Variants in TNRC6A observed in about 807,000 individuals in gnomAD.
TNRC6A encodes trinucleotide repeat containing adaptor 6A, also known as trinucleotide repeat-containing gene 6A protein.
A neutral mutation model predicts 221.2 loss-of-function variants in TNRC6A; 44 were observed. That is an observed-to-expected ratio of 0.20 (90% CI 0.16 to 0.26). The LOEUF (loss-of-function observed/expected upper bound fraction) is 0.26. Ranked by LOEUF, TNRC6A falls within the 10% of genes least tolerant of loss-of-function variation. The pLI, the probability that TNRC6A is intolerant of heterozygous loss-of-function variation, is 1.00. For missense variants in TNRC6A, 2,199 were observed against 2,404.4 expected (o/e 0.91, Z 1.79); for synonymous variants, 847 against 838.5 (o/e 1.01, Z -0.18).
intron 1 of TNRC6A, among the ~76,000 whole-genome samples, chr16:24,618,328 T>C (rs1900483114): frequency 6.6e-6 from 1 of 152,236 alleles, no homozygotes; most frequent in African/African-American, 2.4e-5. Context: ...GTATTTTACC[T>C]AGTGGTATAT....
rs762928637 is a variant in TNRC6A, at chr16:24,790,458, C to G, written c.1816C>G (p.Gln606Glu). Reference sequence around the variant, plus strand: ...TCGAAGAGGATGGGGAACCCCTGCACAAAACACTGGCACTAATTTACCCAG... The same window carrying G: ...TCGAAGAGGATGGGGAACCCCTGCAGAAAACACTGGCACTAATTTACCCAG... ...GSRRGWGTPA[Q>E]NTGTNLPSVE... is the part of the protein sequence containing the mutation. The change falls in exon 6 of 25, where the codon CAA becomes GAA. Residue 606 changes from glutamine to glutamate, a missense_variant. By Grantham distance (29) the Gln-to-Glu change is conservative. Around this residue, in one of 8 missense-constraint regions of TNRC6A, gnomAD observed 1,405 missense variants for 1,400.2 expected, o/e 1.00. Transcript: ENST00000395799. 4 of 1,614,182 alleles carry G rather than the reference C, an allele frequency of 2.5e-6. No homozygotes were observed. Among genetic ancestry groups the G allele is most frequent in the South Asian group, 1.1e-5 (1 of 91,080 alleles).
rs2152123859 is a variant in TNRC6A, at chr16:24,824,194, T to G, written c.*387T>G. On this transcript the variant is annotated 3_prime_UTR_variant, in exon 25 of 25. Transcript: ENST00000395799. Reference sequence around the variant, plus strand: ...TTTGGGCTGATAACGTATGAGCTTTTCCCTTTGCACTGAATGATGTTCTCT... The same window carrying G: ...TTTGGGCTGATAACGTATGAGCTTTGCCCTTTGCACTGAATGATGTTCTCT... 1 of 146,258 alleles carries G rather than the reference T, an allele frequency of 6.8e-6. No homozygotes were observed. Among genetic ancestry groups the G allele is most frequent in the South Asian group, 2.3e-4 (1 of 4,434 alleles). The allele number at this position is 146,258 out of a possible 1,614,324, so 9.1% of individuals were successfully genotyped here.
chr16:24,663,928 C>A (rs1400442823), intron 2 of TNRC6A: 1 of 456,536 alleles, frequency 2.2e-6, no homozygotes, highest in African/African-American at 2.0e-5. Flanking sequence ...AGCAGTTATC[C>A]TGCAGGAACA....
chr16:24,666,659 A>T, intron 2 of TNRC6A, among the ~76,000 whole-genome samples: 1 of 126,892 alleles, frequency 7.9e-6, no homozygotes, highest in African/African-American at 3.3e-5. Context: ...AAAAAAAAAA[A>T]AAAAAAAAAA....
At chr16:24,644,412 G>C (rs549710760) in intron 2 of TNRC6A, among the ~76,000 whole-genome samples, 2 of 151,636 alleles carry the variant, frequency 1.3e-5, no homozygotes, top group East Asian at 3.9e-4. Context: ...CTCCCGCCCC[G>C]GCCAAGAAGA....
intron 9 of TNRC6A, among the ~76,000 whole-genome samples, chr16:24,797,272 C>A (rs1451300320): frequency 6.6e-6 from 1 of 152,114 alleles, no homozygotes; most frequent in African/African-American, 2.4e-5. Flanking sequence ...AGAGATTTCT[C>A]TGTACATTAC....
rs1271003990 is a variant in TNRC6A, at chr16:24,790,417, C to T, written c.1775C>T (p.Ala592Val). ...QSTSWGSGNG[A>V]NSGGSRRGWG... ...ACATCATGGGGAAGTGGAAATGGCG[C>T]AAATTCTGGAGGAAGTCGAAGAGGA... Residue 592 changes from alanine (A) to valine (V), a missense_variant, in exon 6 of 25, where the codon GCA becomes GTA. Physicochemically the swap from Ala to Val is moderately conservative, Grantham distance 64 (BLOSUM62 0). This residue lies in a region of TNRC6A where 1,405 missense variants were observed against 1,400.2 expected (regional missense o/e 1.00). Transcript: ENST00000395799. The T allele has an allele frequency of 1.7e-5, 28 of 1,614,080 alleles. No individual in the cohort carries two copies. The Admixed American group carries it at 4.7e-4, about 27-fold the overall frequency.
At chr16:24,767,796 A>G (rs1481685971) in intron 4 of TNRC6A, among the ~76,000 whole-genome samples, 1 of 152,180 alleles carries the variant, frequency 6.6e-6, no homozygotes, top group Non-Finnish European at 1.5e-5. Flanking sequence ...TCTTTATTAT[A>G]TAACTTTAGG....
chr16:24,636,735 T>C (rs560942356), intron 1 of TNRC6A, among the ~76,000 whole-genome samples: 4 of 152,318 alleles, frequency 2.6e-5, no homozygotes, highest in Admixed American at 6.5e-5. Flanking sequence ...AGTTATGGCA[T>C]TTTGTTCCTT....
At chr16:24,627,697 C>CTTTTTTTTTTTTTTTT (rs57520356) in intron 1 of TNRC6A, among the ~76,000 whole-genome samples, 1 of 101,770 alleles carries the variant, frequency 9.8e-6, no homozygotes, top group Non-Finnish European at 1.9e-5. Flanking sequence ...TCTTTTCTTG[C>CTTTTTTTTTTTTTTTT]TTTTTTTTTT....
intron 2 of TNRC6A, among the ~76,000 whole-genome samples, chr16:24,716,180 G>A (rs2056309478): frequency 6.6e-6 from 1 of 151,870 alleles, no homozygotes; most frequent in Non-Finnish European, 1.5e-5. Context: ...GTAATCTAGG[G>A]CAACCATTAG....
intron 2 of TNRC6A, among the ~76,000 whole-genome samples, chr16:24,692,834 A>C (rs191607523): frequency 1.2e-3 from 188 of 152,176 alleles, no homozygotes; most frequent in African/African-American, 4.4e-3. Context: ...CCTCACCAGG[A>C]GCTGTTCTTA....
At chr16:24,713,162 T>C (rs1176256371) in intron 2 of TNRC6A, among the ~76,000 whole-genome samples, 1 of 152,156 alleles carries the variant, frequency 6.6e-6, no homozygotes, top group Non-Finnish European at 1.5e-5. Flanking sequence ...CTCTTGCCTG[T>C]AGTCCCAGCA....
At chr16:24,768,020 A>C (rs554920236) in intron 4 of TNRC6A, among the ~76,000 whole-genome samples, 128 of 152,348 alleles carry the variant, frequency 8.4e-4, no homozygotes, top group African/African-American at 2.9e-3. Context: ...TAGTAAGTGT[A>C]AGGCTGAAGA....
intron 20 of TNRC6A, among the ~76,000 whole-genome samples, chr16:24,818,274 T>C (rs553947717): frequency 6.6e-6 from 1 of 152,132 alleles, no homozygotes; most frequent in African/African-American, 2.4e-5. Context: ...ACCTCCTTTT[T>C]AGACCCAGTG....
At chr16:24,715,888 C>T (rs13337708) in intron 2 of TNRC6A, among the ~76,000 whole-genome samples, 38,307 of 151,492 alleles carry the variant, frequency 0.25, 5,295 homozygotes, top group Non-Finnish European at 0.31. Flanking sequence ...CCCAAAGTGC[C>T]GGGATTACAG....
chr16:24,674,163 T>A (rs1245482673), intron 2 of TNRC6A, among the ~76,000 whole-genome samples: 3 of 152,066 alleles, frequency 2.0e-5, no homozygotes, highest in Non-Finnish European at 4.4e-5. Flanking sequence ...CTTGACCTCC[T>A]CAGCTCAAGT....
chr16:24,755,540 C>G (rs1020464105), intron 3 of TNRC6A, among the ~76,000 whole-genome samples: 12 of 152,226 alleles, frequency 7.9e-5, no homozygotes, highest in Admixed American at 3.3e-4. Context: ...TGCCACAGTT[C>G]TATAGATGAG....
intron 7 of TNRC6A, 22 bp downstream of exon 7, chr16:24,793,671 G>GT: frequency 7.2e-7 from 1 of 1,398,154 alleles, no homozygotes; most frequent in East Asian, 2.7e-5. Context: ...ACAATGCCTG[G>GT]TAGCTGTTAT....
Sources: allele counts gnomAD v4.1 joint callset (sites outside exome capture counted in the v4.1 genomes callset), GRCh38; gene constraint gnomAD v4.1.1; regional missense constraint gnomAD v4.1.1; transcripts MANE v1.5; gene names NCBI Gene and HGNC (gene_info 2026-07-23, HGNC 2026-07-21).